ELMO1: variants seen among roughly 807,000 people sequenced by gnomAD.
ELMO1 encodes engulfment and cell motility 1, also known as engulfment and cell motility protein 1.
Under a neutral mutation model 98.9 loss-of-function variants are expected in ELMO1, and 26 were observed. That is an observed-to-expected ratio of 0.26 (90% CI 0.19 to 0.36). ELMO1 has a LOEUF of 0.36. Among genes scored for constraint, ELMO1 ranks in the 10% least tolerant of loss-of-function variants. The probability of loss-of-function intolerance (pLI) is 1.00; values close to 1 mark genes in which losing one functional copy is unlikely to be tolerated. For synonymous variants in ELMO1, 346 were observed against 346.0 expected (o/e 1.00, Z 0.00); for missense variants, 627 against 935.2 (o/e 0.67, Z 4.30).
intron 15 of ELMO1, among the ~76,000 whole-genome samples, chr7:37,064,232 T>C (rs1796829005): frequency 6.6e-6 from 1 of 152,154 alleles, no homozygotes; most frequent in Non-Finnish European, 1.5e-5. Context: ...TTTCATAAAT[T>C]TTCTACTGTC....
At chr7:37,291,614 T>C (rs764547984) in intron 4 of ELMO1, among the ~76,000 whole-genome samples, 4 of 152,092 alleles carry the variant, frequency 2.6e-5, no homozygotes, top group African/African-American at 4.8e-5. Flanking sequence ...GTTGGAGAAA[T>C]GCAAATTAAA....
chr7:37,089,631 T>C (rs1173708468), intron 15 of ELMO1, among the ~76,000 whole-genome samples: 1 of 152,186 alleles, frequency 6.6e-6, no homozygotes, highest in Non-Finnish European at 1.5e-5. Flanking sequence ...TTTTCTGCAA[T>C]CTTTGATATT....
In ELMO1 at chr7:37,342,959, G is replaced by A. The variant is rs1237210623; in HGVS notation, c.-73-196C>T. On this transcript the variant is annotated intron_variant, in intron 1 of 21. Transcript: ENST00000310758. The surrounding 1 kb of genome is among the most constrained non-coding windows in gnomAD (Gnocchi z 4.3). ...GGAAAGAAGAAAGATGGGGGTGCCCGTGCCAACGCCCTTGAGTCAAAGCCG... is the reference window on the plus strand; with the variant it reads ...GGAAAGAAGAAAGATGGGGGTGCCCATGCCAACGCCCTTGAGTCAAAGCCG... 3.7e-5 allele frequency: 14 copies of A among 376,634 alleles called. No homozygotes were observed. The highest frequency in any genetic ancestry group is 8.6e-5 in the Admixed American group (2 of 23,320). 23.3% of individuals were successfully genotyped at this position (376,634 alleles called of 1,614,324 possible). A position where few individuals can be genotyped will look rare whatever the true frequency, so the allele number is the denominator to read the frequency against.
chr7:37,040,629 G>A (rs1795452153), intron 15 of ELMO1, among the ~76,000 whole-genome samples: 1 of 152,142 alleles, frequency 6.6e-6, no homozygotes, highest in East Asian at 1.9e-4. Flanking sequence ...AGTAGTATAT[G>A]TTTCACGCAC....
At position 37,079,662 on chromosome 7, in the gene ELMO1, T is replaced by C. The variant is rs76270667; in HGVS notation, c.1300+16957A>G. Among the ~76,000 whole-genome samples the C allele has an allele frequency of 1.9e-4, 29 of 152,270 alleles. 1 individual carries two copies. Among genetic ancestry groups the C allele is most frequent in the African/African-American group, 5.8e-4 (24 of 41,536 alleles). On this transcript the variant is annotated intron_variant, in intron 15 of 21. Transcript: ENST00000310758. ...CTTACTAAAAATCAATGGTCAGTTCTCAGTCCTCATTTAACCCCATCACCT... is the reference window on the plus strand; with the variant it reads ...CTTACTAAAAATCAATGGTCAGTTCCCAGTCCTCATTTAACCCCATCACCT...
Position 37,337,538 on chromosome 7 carries a change from A to C in ELMO1, c.78+5075T>G, listed in dbSNP as rs1008367642. On this transcript the variant is annotated intron_variant, in intron 2 of 21. Coordinates refer to ENST00000310758, the MANE Select transcript of ELMO1 (RefSeq NM_014800.11). ...ACTTAAAGTATAAAAAAAAAAAAAA[A>C]AAAACACCTATGTGGAGCATTGGGG... Among the ~76,000 whole-genome samples the C allele has an allele frequency of 1.5e-3, 234 of 152,134 alleles. 2 individuals are homozygous for C. The highest frequency in any genetic ancestry group is 5.4e-3 in the African/African-American group (223 of 41,520).
chr7:37,395,054 A>C (rs1034311899), intron 1 of ELMO1, among the ~76,000 whole-genome samples: 1 of 152,036 alleles, frequency 6.6e-6, no homozygotes, highest in African/African-American at 2.4e-5. Flanking sequence ...AGAGAGAGAG[A>C]GAGCTGTGTT....
At chr7:37,403,184 C>A (rs1167419397) in intron 1 of ELMO1, among the ~76,000 whole-genome samples, 1 of 152,168 alleles carries the variant, frequency 6.6e-6, no homozygotes, top group Admixed American at 6.5e-5. Context: ...GTGAAGGAAG[C>A]CAGTCTGAAA....
At chr7:37,205,447 T>C (rs889202685) in intron 13 of ELMO1, among the ~76,000 whole-genome samples, 12 of 152,248 alleles carry the variant, frequency 7.9e-5, no homozygotes, top group Admixed American at 2.0e-4. Flanking sequence ...GTGCTGTAAC[T>C]ACTGCCACAA....
At chr7:37,351,034 A>T (rs191953802) in intron 1 of ELMO1, 15 of 152,076 alleles carry the variant, frequency 9.9e-5, no homozygotes, top group African/African-American at 3.6e-4. Flanking sequence ...GCCCTAGCAA[A>T]CTAATAAAAC....
chr7:36,949,355 C>T lies in ELMO1; in HGVS notation c.1438-54338G>A, dbSNP rs185655890. ...GGATATAAATATCTGCTGATTTTCACGGAGACTCACACAAGAGCTGAAAAG... is the reference window on the plus strand; with the variant it reads ...GGATATAAATATCTGCTGATTTTCATGGAGACTCACACAAGAGCTGAAAAG... On this transcript the variant is annotated intron_variant, in intron 16 of 21. Transcript: ENST00000310758. Among the ~76,000 whole-genome samples the T allele has an allele frequency of 2.1e-4, 32 of 152,228 alleles. No individual in the cohort carries two copies. In the East Asian group the frequency reaches 5.2e-3, roughly 25 times the overall value.
chr7:37,000,158 G>A (rs972554390), intron 16 of ELMO1, among the ~76,000 whole-genome samples: 2 of 152,186 alleles, frequency 1.3e-5, no homozygotes, highest in Non-Finnish European at 2.9e-5. Context: ...ATATATACTT[G>A]TTGTGGCAAT....
At chr7:37,178,247 A>G (rs963628167) in intron 13 of ELMO1, among the ~76,000 whole-genome samples, 6 of 152,052 alleles carry the variant, frequency 3.9e-5, no homozygotes, top group Admixed American at 2.6e-4. Flanking sequence ...GTCTTACACT[A>G]CAACAGGCAA....
At chr7:37,173,777 A>G (rs1055273096) in intron 13 of ELMO1, among the ~76,000 whole-genome samples, 2 of 152,238 alleles carry the variant, frequency 1.3e-5, no homozygotes, top group African/African-American at 4.8e-5. Flanking sequence ...TTTCCTCTTC[A>G]GCCTCTACTG....
chr7:37,044,515 C>T (rs1203292857), intron 15 of ELMO1, among the ~76,000 whole-genome samples: 2 of 152,204 alleles, frequency 1.3e-5, no homozygotes, highest in African/African-American at 2.4e-5. Flanking sequence ...ACTCGCCCAA[C>T]ACGGTGTTTG....
intron 15 of ELMO1, among the ~76,000 whole-genome samples, chr7:37,056,788 C>G (rs1007482344): frequency 7.2e-5 from 11 of 152,150 alleles, no homozygotes; most frequent in African/African-American, 2.7e-4. Flanking sequence ...AGGGCAAGAA[C>G]AGGGGAGCCC....
intron 5 of ELMO1, among the ~76,000 whole-genome samples, chr7:37,262,971 C>T (rs940513207): frequency 2.0e-5 from 3 of 152,134 alleles, no homozygotes; most frequent in East Asian, 1.9e-4. Flanking sequence ...TCATGGAGTC[C>T]GCCAGGAAAA....
intron 13 of ELMO1, among the ~76,000 whole-genome samples, chr7:37,174,794 A>T (rs149694828): frequency 9.3e-4 from 142 of 152,286 alleles, no homozygotes; most frequent in African/African-American, 3.1e-3. Flanking sequence ...CAGCTGTCCC[A>T]CAATATAATC....
chr7:37,331,425 G>A (rs987275667), intron 2 of ELMO1, among the ~76,000 whole-genome samples: 15 of 139,966 alleles, frequency 1.1e-4, no homozygotes, highest in East Asian at 4.4e-4. Context: ...CTCATGATCC[G>A]CCCGCCTCAG....
Sources: gnomAD v4.1 joint callset for allele counts (sites outside exome capture counted in the v4.1 genomes callset) on GRCh38, gnomAD v4.1.1 for gene constraint, Gnocchi (gnomAD v3.1) non-coding constraint, MANE v1.5 for transcripts, NCBI Gene and HGNC (gene_info 2026-07-23, HGNC 2026-07-21) for gene names.